Variants in ZNF835 observed in about 807,000 individuals in gnomAD.
ZNF835 encodes the protein zinc finger protein 835.
For missense variants in ZNF835, 783 were observed against 758.4 expected (o/e 1.03, Z -0.38); for synonymous variants, 323 against 324.7 (o/e 0.99, Z 0.06).
chr19:56,663,873 G>C lies in ZNF835; in HGVS notation c.1326C>G (p.Gly442=). ...SLALHQRTHT[G]ERPYTCPECG... The stretch of plus-strand genomic sequence containing the variant: ...ACTCGGGGCAGGTGTAGGGCCGCTC[G>C]CCCGTGTGCGTGCGCTGGTGCAGGG... Residue 442 remains glycine, a synonymous_variant, in exon 2 of 2, where the codon GGC becomes GGG. Coordinates refer to ENST00000537055, the MANE Select transcript of ZNF835 (RefSeq NM_001005850.3). 1.2e-6 allele frequency: 2 copies of C among 1,604,912 alleles called. No individual in the cohort carries two copies. The highest frequency in any genetic ancestry group is 1.7e-6 in the Non-Finnish European group (2 of 1,176,936).
At chr19:56,668,364 C>CTTTTT (rs10604506) in intron 1 of ZNF835, among the ~76,000 whole-genome samples, 1 of 117,064 alleles carries the variant, frequency 8.5e-6, no homozygotes, top group Non-Finnish European at 1.8e-5. Flanking sequence ...TAAAATAGGG[C>CTTTTT]TTTTTTTTTT....
At position 56,662,523 on chromosome 19, in the gene ZNF835, A is replaced by G. The variant is rs1229917519; in HGVS notation, c.*1062T>C. The G allele has an allele frequency of 6.6e-6, 1 of 152,036 alleles. No individual in the cohort carries two copies. The highest frequency in any genetic ancestry group is 1.9e-4 in the East Asian group (1 of 5,192). 9.4% of individuals were successfully genotyped at this position (152,036 alleles called of 1,614,324 possible). A position where few individuals can be genotyped will look rare whatever the true frequency, so the allele number is the denominator to read the frequency against. The stretch of plus-strand genomic sequence containing the variant: ...TAAAAATCTTTTGTAGAGGAGAAGC[A>G]CTCCCTTCTTCTAGAATAACTTTCA... On this transcript the variant is annotated 3_prime_UTR_variant, in exon 2 of 2. Transcript: ENST00000537055.
rs746038697 is a variant in ZNF835 at position 56,664,967 on chromosome 19, T to C, written c.232A>G (p.Ser78Gly). 6.2e-7 allele frequency: 1 copy of C among 1,614,050 alleles called. No homozygotes were observed. Among genetic ancestry groups the C allele is most frequent in the Admixed American group, 1.7e-5 (1 of 60,026 alleles). The stretch of plus-strand genomic sequence containing the variant: ...GGCGCGCTGCACCTCCGGGAACTGC[T>C]GTCGTCGGGGACACTGGCTTGGGTA... ...AATQASVPDD[S>G]SSRRCSAPGE... Residue 78 changes from serine to glycine, a missense_variant, in exon 2 of 2, where the codon AGC (serine) becomes GGC (glycine). Ser to Gly is a moderately conservative substitution (Grantham distance 56, BLOSUM62 0). Transcript: ENST00000537055.
In ZNF835 at chr19:56,671,576, C is replaced by T. The variant is rs1265600288; in HGVS notation, c.-48G>A. ...GCAGGAACACGCGCACACTACACACCGTTGCTCTCGCCTCCCGGTATCACC... is the reference window on the plus strand; with the variant it reads ...GCAGGAACACGCGCACACTACACACTGTTGCTCTCGCCTCCCGGTATCACC... On this transcript the variant is annotated splice_region_variant and 5_prime_UTR_variant, in exon 1 of 2. Transcript: ENST00000537055. 1 of 152,540 alleles carries T rather than the reference C, an allele frequency of 6.6e-6. No individual in the cohort carries two copies. Among genetic ancestry groups the T allele is most frequent in the Non-Finnish European group, 1.5e-5 (1 of 68,274 alleles). 9.4% of individuals were successfully genotyped at this position (152,540 alleles called of 1,614,324 possible).
chr19:56,666,615 T>C (rs1310908862), intron 1 of ZNF835, among the ~76,000 whole-genome samples: 1 of 152,232 alleles, frequency 6.6e-6, no homozygotes, highest in African/African-American at 2.4e-5. Context: ...TGTGATTTTT[T>C]TTGTAAGCTG....
chr19:56,670,818 C>T (rs1227065553), intron 1 of ZNF835, among the ~76,000 whole-genome samples: 1 of 152,218 alleles, frequency 6.6e-6, no homozygotes, highest in Non-Finnish European at 1.5e-5. Context: ...GGCACACGGG[C>T]CGAGCCAGCC....
In ZNF835 at chr19:56,662,455, G is replaced by A. The variant is rs2045193431; in HGVS notation, c.*1130C>T. The A allele has an allele frequency of 6.6e-6, 1 of 152,166 alleles. No homozygotes were observed. Among genetic ancestry groups the A allele is most frequent in the South Asian group, 2.1e-4 (1 of 4,828 alleles). 9.4% of individuals were successfully genotyped at this position (152,166 alleles called of 1,614,324 possible). On this transcript the variant is annotated 3_prime_UTR_variant, in exon 2 of 2. Coordinates refer to ENST00000537055, the MANE Select transcript of ZNF835 (RefSeq NM_001005850.3). ...AGTTAGGGGGAAAAATGGTGGAGAT[G>A]GGTAGGTGTTTCCTCATACTGAAAA... is the stretch of plus-strand genomic sequence containing the variant.
In ZNF835 at chr19:56,664,139, G is replaced by A; in HGVS notation, c.1060C>T (p.Arg354Cys). 1 of 1,609,066 alleles carries A rather than the reference G, an allele frequency of 6.2e-7. No individual in the cohort carries two copies. The highest frequency in any genetic ancestry group is 8.5e-7 in the Non-Finnish European group (1 of 1,177,812). Residue 354 changes from arginine (R) to cysteine (C), a missense_variant, in exon 2 of 2, where the codon CGC (arginine) becomes TGC (cysteine). Arg to Cys is a radical substitution (Grantham distance 180, BLOSUM62 -3). Transcript: ENST00000537055. ...TQVSHLTQHQ[R>C]THTGERPYPC... ...TAAGGCCGCTCTCCGGTGTGCGTGCGCTGGTGCTGCGTCAGGTGCGACACC... is the reference window on the plus strand; with the variant it reads ...TAAGGCCGCTCTCCGGTGTGCGTGCACTGGTGCTGCGTCAGGTGCGACACC...
rs962566763 is a variant in ZNF835 at position 56,664,965 on chromosome 19, G to A, written c.234C>T (p.Ser78=). Residue 78 remains serine (S), a synonymous_variant, in exon 2 of 2, where the codon AGC becomes AGT. Coordinates refer to ENST00000537055, the MANE Select transcript of ZNF835 (RefSeq NM_001005850.3). The part of the protein sequence containing the change: ...AATQASVPDD[S]SSRRCSAPGE... ...CAGGCGCGCTGCACCTCCGGGAACT[G>A]CTGTCGTCGGGGACACTGGCTTGGG... is the stretch of plus-strand genomic sequence containing the variant. The A allele has an allele frequency of 3.1e-6, 5 of 1,613,930 alleles. No individual in the cohort carries two copies. The highest frequency in any genetic ancestry group is 3.3e-5 in the Admixed American group (2 of 60,012).
intron 1 of ZNF835, among the ~76,000 whole-genome samples, chr19:56,670,498 A>G (rs2045279517): frequency 6.6e-6 from 1 of 152,036 alleles, no homozygotes; most frequent in Admixed American, 6.5e-5. Flanking sequence ...AGCCACACTC[A>G]CACATGCACA....
At position 56,664,014 on chromosome 19, in the gene ZNF835, G is replaced by A. The variant is rs1424489805; in HGVS notation, c.1185C>T (p.Cys395=). ...AGGACACGTGGCTGAAGGCGGCCCC[G>A]CATTGCAGGCACCTGTAGGGCCGCT... ...TGERPYRCLQ[C]GAAFSHVSSL... The change falls in exon 2 of 2, where the codon TGC becomes TGT. Residue 395 remains cysteine, a synonymous_variant. Transcript: ENST00000537055. 3.7e-6 allele frequency: 6 copies of A among 1,612,274 alleles called. No homozygotes were observed. Among genetic ancestry groups the A allele is most frequent in the Non-Finnish European group, 5.1e-6 (6 of 1,179,434 alleles).
chr19:56,664,316 G>C lies in ZNF835; in HGVS notation c.883C>G (p.Gln295Glu). Reference protein sequence around the residue: ...KAFAQIAHLTQHRRVHTGEKP... With the variant: ...KAFAQIAHLTEHRRVHTGEKP... ...TCGCCCGTGTGCACGCGCCGGTGCT[G>C]GGTCAGGTGCGCGATCTGCGCGAAG... The change falls in exon 2 of 2, where the codon CAG (glutamine) becomes GAG (glutamate). Residue 295 changes from glutamine to glutamate, a missense_variant. Physicochemically the swap from Gln to Glu is conservative, Grantham distance 29. Transcript: ENST00000537055. 3 of 1,605,170 alleles carry C rather than the reference G, an allele frequency of 1.9e-6. No individual in the cohort carries two copies. Among genetic ancestry groups the C allele is most frequent in the Non-Finnish European group, 2.6e-6 (3 of 1,176,084 alleles).
In ZNF835 at chr19:56,663,857, A is replaced by T. The variant is rs1449260344; in HGVS notation, c.1342T>A (p.Cys448Ser). The T allele has an allele frequency of 1.2e-6, 2 of 1,613,406 alleles. No homozygotes were observed. The highest frequency in any genetic ancestry group is 2.2e-5 in the South Asian group (2 of 91,066). Reference protein sequence around the residue: ...RTHTGERPYTCPECGKAFSNR... With the variant: ...RTHTGERPYTSPECGKAFSNR... ...CTGAAGGCCTTGCCGCACTCGGGGCAGGTGTAGGGCCGCTCGCCCGTGTGC... is the reference window on the plus strand; with the variant it reads ...CTGAAGGCCTTGCCGCACTCGGGGCTGGTGTAGGGCCGCTCGCCCGTGTGC... Residue 448 changes from cysteine (C) to serine (S), a missense_variant, in exon 2 of 2, where the codon TGC becomes AGC. Coordinates refer to ENST00000537055, the MANE Select transcript of ZNF835 (RefSeq NM_001005850.3).
In ZNF835 at chr19:56,665,472, C is replaced by G. The variant is rs771386255; in HGVS notation, c.-47-227G>C. On this transcript the variant is annotated intron_variant, in intron 1 of 1. Coordinates refer to ENST00000537055, the MANE Select transcript of ZNF835 (RefSeq NM_001005850.3). Reference sequence around the variant, plus strand: ...ACTGGCTGCCAGGGACACTACCCCTCAACCCCTGAGTTGTAACAATGAAAA... The same window carrying G: ...ACTGGCTGCCAGGGACACTACCCCTGAACCCCTGAGTTGTAACAATGAAAA... The G allele has an allele frequency of 4.4e-6, 3 of 686,528 alleles. No homozygotes were observed. The Admixed American group carries it at 5.3e-5, about 12-fold the overall frequency. The allele number at this position is 686,528 out of a possible 1,614,324, so 42.5% of individuals were successfully genotyped here.
intron 1 of ZNF835, among the ~76,000 whole-genome samples, chr19:56,669,676 T>G (rs1319978210): frequency 3.6e-5 from 1 of 28,140 alleles, no homozygotes; most frequent in Non-Finnish European, 6.4e-5. Flanking sequence ...TCAGGAGTCC[T>G]CCATTAGCAT....
At chr19:56,666,115 C>CTGT (rs200674876) in intron 1 of ZNF835, among the ~76,000 whole-genome samples, 3,303 of 150,232 alleles carry the variant, frequency 0.022, 106 homozygotes, top group African/African-American at 0.076. Flanking sequence ...CACAATGGGA[C>CTGT]TGTTTTATTT....
At position 56,663,379 on chromosome 19, in the gene ZNF835, G is replaced by A; in HGVS notation, c.*206C>T. 4 of 647,676 alleles carry A rather than the reference G, an allele frequency of 6.2e-6. No homozygotes were observed. The highest frequency in any genetic ancestry group is 4.1e-5 in the South Asian group (2 of 49,252). 40.1% of individuals were successfully genotyped at this position (647,676 alleles called of 1,614,324 possible). ...GGTGTTTCTGCAGGTCTACTTGCCC[G>A]TGCCCCATTTATAATTTTGCACCAG... On this transcript the variant is annotated 3_prime_UTR_variant, in exon 2 of 2. Coordinates refer to ENST00000537055, the MANE Select transcript of ZNF835 (RefSeq NM_001005850.3).
chr19:56,664,897 T>A lies in ZNF835; in HGVS notation c.302A>T (p.Glu101Val). The change falls in exon 2 of 2, where the codon GAG becomes GTG. Residue 101 changes from glutamate (E) to valine (V), a missense_variant. Transcript: ENST00000537055. ...KERHPDSRQR[E>V]RGGGPKKPWK... ...CGGCTTCTTGGGGCCTCCACCTCTC[T>A]CCCGCTGGCGGCTGTCAGGATGCCT... The A allele has an allele frequency of 6.2e-7, 1 of 1,613,918 alleles. No individual in the cohort carries two copies. Among genetic ancestry groups the A allele is most frequent in the South Asian group, 1.1e-5 (1 of 91,060 alleles).
At position 56,664,142 on chromosome 19, in the gene ZNF835, G is replaced by A; in HGVS notation, c.1057C>T (p.Gln353Ter). The change falls in exon 2 of 2, where the codon CAG becomes TAG. Residue 353 changes from glutamine (Q) to a stop codon, truncating the protein, a stop_gained. Coordinates refer to ENST00000537055, the MANE Select transcript of ZNF835 (RefSeq NM_001005850.3). LOFTEE classifies it low-confidence loss of function (END_TRUNC). Reference protein sequence around the residue: ...FTQVSHLTQHQRTHTGERPYP... With the variant: ...FTQVSHLTQH Reference sequence around the variant, plus strand: ...GGCCGCTCTCCGGTGTGCGTGCGCTGGTGCTGCGTCAGGTGCGACACCTGG... The same window carrying A: ...GGCCGCTCTCCGGTGTGCGTGCGCTAGTGCTGCGTCAGGTGCGACACCTGG... 6.2e-7 allele frequency: 1 copy of A among 1,611,298 alleles called. No individual in the cohort carries two copies. Among genetic ancestry groups the A allele is most frequent in the Non-Finnish European group, 8.5e-7 (1 of 1,179,364 alleles).
Sources: allele counts gnomAD v4.1 joint callset (sites outside exome capture counted in the v4.1 genomes callset), GRCh38; gene constraint gnomAD v4.1.1; transcripts MANE v1.5; gene names NCBI Gene and HGNC (gene_info 2026-07-23, HGNC 2026-07-21).